Variants in ACTR10 observed in about 807,000 individuals in gnomAD.
The protein encoded by ACTR10 is actin related protein 10.
ACTR10 carries 43 observed loss-of-function variants against 56.2 expected under a neutral mutation model. The observed-to-expected ratio is 0.77, with a 90% confidence interval of 0.60 to 0.99. The LOEUF is 0.99. ACTR10 is among the 50% of genes least tolerant of loss of function. ACTR10 has a pLI of 0.00. For missense variants in ACTR10, 466 were observed against 507.8 expected, an observed-to-expected ratio of 0.92 and a Z score of 0.79; for synonymous variants, 170 against 176.3, an observed-to-expected ratio of 0.96 and a Z score of 0.28.
chr14:58,216,522 T>C (rs535754962), intron 7 of ACTR10, among the ~76,000 whole-genome samples: 48 of 152,364 alleles, frequency 3.2e-4, no homozygotes, highest in Non-Finnish European at 6.3e-4. Context: ...CTGTTGGATA[T>C]AAATGTTTCT....
intron 6 of ACTR10, among the ~76,000 whole-genome samples, chr14:58,214,120 ATT>A (rs1244258906): frequency 1.3e-5 from 2 of 151,972 alleles, no homozygotes; most frequent in African/African-American, 4.8e-5. Flanking sequence ...TACTGTTTCT[ATT>A]TTTTTGTACC....
At position 58,209,015 on chromosome 14, in the gene ACTR10, C is replaced by T. The variant is rs1330268106; in HGVS notation, c.250C>T (p.Pro84Ser). The T allele has an allele frequency of 6.2e-7, 1 of 1,611,484 alleles. No homozygotes were observed. The highest frequency in any genetic ancestry group is 8.5e-7 in the Non-Finnish European group (1 of 1,178,704). Residue 84 changes from proline (P) to serine (S), a missense_variant, in exon 4 of 13, where the codon CCC (proline) becomes TCC (serine). Coordinates refer to ENST00000254286, the MANE Select transcript of ACTR10 (RefSeq NM_018477.3). ...ILYFRHLLVN[P>S]RDRRVVIIES... ...ACTTTTCAGGCATCTATTGGTGAAT[C>T]CCAGAGACCGCCGAGTTGTGATTAT...
intron 11 of ACTR10, 126 bp downstream of exon 11, chr14:58,230,606 T>C (rs1889507407): frequency 2.4e-6 from 1 of 425,066 alleles, no homozygotes; most frequent in Non-Finnish European, 4.1e-6. Flanking sequence ...ACAACTAATC[T>C]GCTTATTAAA....
intron 2 of ACTR10, chr14:58,207,123 C>T (rs1005248593): frequency 1.9e-5 from 3 of 158,344 alleles, no homozygotes; most frequent in East Asian, 1.9e-4. Flanking sequence ...TCCCTGCAAC[C>T]TCCACCTCCT....
At chr14:58,227,166 CT>C (rs10542034) in intron 10 of ACTR10, among the ~76,000 whole-genome samples, 70 of 146,642 alleles carry the variant, frequency 4.8e-4, no homozygotes, top group East Asian at 1.8e-3. Context: ...TGATTTCCAG[CT>C]TTTTTTTTTT....
Position 58,227,030 on chromosome 14 carries a change from T to C in ACTR10, c.788+3174T>C, listed in dbSNP as rs186893261. Among the ~76,000 whole-genome samples, 205 of 152,346 alleles carry C rather than the reference T, an allele frequency of 1.3e-3. 1 individual carries two copies. Among genetic ancestry groups the C allele is most frequent in the Non-Finnish European group, 2.1e-3 (143 of 68,030 alleles). The stretch of plus-strand genomic sequence containing the variant: ...GAAAGGACCATTATAAAAAATCGTA[T>C]ACTAAACATTTTATTTTAACTTAAA... On this transcript the variant is annotated intron_variant, in intron 10 of 12. Transcript: ENST00000254286.
chr14:58,212,424 A>T (rs558252145), intron 5 of ACTR10, among the ~76,000 whole-genome samples: 1 of 152,336 alleles, frequency 6.6e-6, no homozygotes, highest in East Asian at 1.9e-4. Context: ...ACATTGCTTT[A>T]TTGAAAAGGA....
intron 11 of ACTR10, among the ~76,000 whole-genome samples, chr14:58,231,821 TTAAAC>T (rs1475701159): frequency 6.6e-6 from 1 of 152,202 alleles, no homozygotes; most frequent in Admixed American, 6.5e-5. Context: ...CTTTTAGACT[TTAAAC>T]TATTTTAAAA....
At position 58,234,367 on chromosome 14, in the gene ACTR10, C is replaced by A; in HGVS notation, c.1073-3C>A. The A allele has an allele frequency of 6.5e-7, 1 of 1,537,932 alleles. No homozygotes were observed. Among genetic ancestry groups the A allele is most frequent in the South Asian group, 1.3e-5 (1 of 78,068 alleles). On this transcript the variant is annotated splice_polypyrimidine_tract_variant and splice_region_variant and intron_variant, in intron 12 of 12. Coordinates refer to ENST00000254286, the MANE Select transcript of ACTR10 (RefSeq NM_018477.3). ...AGCTATAAAAAATATTTTTGTCACA[C>A]AGGGGCTATTTTTGGAGCATTACAA...
intron 10 of ACTR10, among the ~76,000 whole-genome samples, chr14:58,229,677 CAAAAAA>C (rs34465995): frequency 1.7e-4 from 18 of 106,958 alleles, no homozygotes; most frequent in African/African-American, 5.1e-4. Flanking sequence ...GACTCTGTAT[CAAAAAA>C]AAAAAAAAAA....
At chr14:58,205,785 G>A (rs1888844054) in intron 2 of ACTR10, among the ~76,000 whole-genome samples, 1 of 152,118 alleles carries the variant, frequency 6.6e-6, no homozygotes, top group Non-Finnish European at 1.5e-5. Context: ...ACTTTGGGAG[G>A]CTGAGGTGGC....
At chr14:58,221,880 T>C (rs1263232017) in intron 8 of ACTR10, among the ~76,000 whole-genome samples, 1 of 152,280 alleles carries the variant, frequency 6.6e-6, no homozygotes, top group East Asian at 1.9e-4. Context: ...ATTGCGCCAC[T>C]GCACTCCAGC....
chr14:58,223,645 C>G lies in ACTR10; in HGVS notation c.658C>G (p.Leu220Val). 1 of 1,612,766 alleles carries G rather than the reference C, an allele frequency of 6.2e-7. No individual in the cohort carries two copies. Among genetic ancestry groups the G allele is most frequent in the South Asian group, 1.1e-5 (1 of 90,798 alleles). The change falls in exon 9 of 13, where the codon CTG becomes GTG. Residue 220 changes from leucine to valine, a missense_variant. By Grantham distance (32) the Leu-to-Val change is conservative (BLOSUM62 1). Coordinates refer to ENST00000254286, the MANE Select transcript of ACTR10 (RefSeq NM_018477.3). ...AGCGCGTACTTGCTTTGTAAGTGAT[C>G]TGAAGCGAGGACTAAAAATCCAAGC... ...IKARTCFVSD[L>V]KRGLKIQAAK...
intron 12 of ACTR10, 99 bp from the exon 13 acceptor site, chr14:58,234,271 C>T: frequency 6.0e-6 from 6 of 1,004,850 alleles, no homozygotes; most frequent in Non-Finnish European, 7.0e-6. Context: ...TGAATTTTAC[C>T]AGTCCACTTT....
chr14:58,229,587 A>C (rs1594815094), intron 10 of ACTR10, among the ~76,000 whole-genome samples: 1 of 151,702 alleles, frequency 6.6e-6, no homozygotes, highest in South Asian at 2.1e-4. Context: ...CTGAGGCAGG[A>C]GAATGGCGTG....
chr14:58,234,806 T>A lies in ACTR10; in HGVS notation c.*255T>A, dbSNP rs1383564236. ...TAGTAAAGCAGTTTGATTTTGGAAG[T>A]TTGTTATGTGGCTTTTTTTTTTTTT... On this transcript the variant is annotated 3_prime_UTR_variant, in exon 13 of 13. Coordinates refer to ENST00000254286, the MANE Select transcript of ACTR10 (RefSeq NM_018477.3). 3.7e-6 allele frequency: 1 copy of A among 268,582 alleles called. No homozygotes were observed. Among genetic ancestry groups the A allele is most frequent in the East Asian group, 6.5e-5 (1 of 15,428 alleles). 16.6% of individuals were successfully genotyped at this position (268,582 alleles called of 1,614,324 possible). A position where few individuals can be genotyped will look rare whatever the true frequency, so the allele number is the denominator to read the frequency against.
At chr14:58,217,932 CTG>C (rs1330691683) in intron 7 of ACTR10, among the ~76,000 whole-genome samples, 6 of 152,154 alleles carry the variant, frequency 3.9e-5, no homozygotes, top group African/African-American at 1.4e-4. Flanking sequence ...ATTTTCCTAA[CTG>C]AAATGTAAGC....
intron 2 of ACTR10, 113 bp downstream of exon 2, chr14:58,203,040 G>T (rs543982814): frequency 1.2e-5 from 8 of 673,638 alleles, no homozygotes; most frequent in Non-Finnish European, 1.9e-5. Context: ...GGTGGCTCAC[G>T]CCTGTAATCC....
intron 5 of ACTR10, 55 bp from the exon 6 acceptor site, chr14:58,213,576 T>C (rs1311169078): frequency 7.8e-7 from 1 of 1,276,880 alleles, no homozygotes; most frequent in East Asian, 2.5e-5. Context: ...GAGGAAAATA[T>C]CAAGGAAACC....
Sources: allele counts gnomAD v4.1 joint callset (sites outside exome capture counted in the v4.1 genomes callset), GRCh38; gene constraint gnomAD v4.1.1; transcripts MANE v1.5; gene names NCBI Gene and HGNC (gene_info 2026-07-23, HGNC 2026-07-21).